GPHN: variants seen among roughly 807,000 people sequenced by gnomAD.
The protein encoded by GPHN is gephyrin.
Under a neutral mutation model 95.5 loss-of-function variants are expected in GPHN, and 17 were observed. The observed-to-expected ratio is 0.18, with a 90% CI of 0.12 to 0.27. The LOEUF is 0.27. Among genes scored for constraint, GPHN ranks in the 10% least tolerant of loss-of-function variants. The probability of loss-of-function intolerance (pLI) is 1.00; values close to 1 mark genes in which losing one functional copy is unlikely to be tolerated. For missense variants in GPHN, 660 were observed against 978.1 expected, an observed-to-expected ratio of 0.67 and a Z score of 4.34; for synonymous variants, 320 against 322.5, an observed-to-expected ratio of 0.99 and a Z score of 0.08.
the GPHN span, among the ~76,000 whole-genome samples, chr14:67,466,574 G>A: frequency 6.6e-6 from 1 of 152,204 alleles, no homozygotes; most frequent in East Asian, 1.9e-4. Flanking sequence ...CTTTAGGGTG[G>A]GTTCACTAAG....
intron 16 of GPHN, among the ~76,000 whole-genome samples, chr14:67,119,240 T>C (rs1243200446): frequency 1.3e-5 from 2 of 152,260 alleles, no homozygotes; most frequent in African/African-American, 4.8e-5. Flanking sequence ...TGGTACAGTT[T>C]AGCTGTTATG....
intron 13 of GPHN, among the ~76,000 whole-genome samples, chr14:67,102,239 G>C (rs1051502808): frequency 1.3e-5 from 2 of 152,154 alleles, no homozygotes; most frequent in African/African-American, 4.8e-5. Context: ...TTGATCAACA[G>C]AGCTCCTACC....
At chr14:67,650,785 T>TAC in the GPHN span, 3 of 1,614,190 alleles carry the variant, frequency 1.9e-6, no homozygotes, top group Non-Finnish European at 2.5e-6. Context: ...AGGCGAAGAC[T>TAC]ACAGCTAACC....
intron 7 of GPHN, 22 bp downstream of exon 7, chr14:66,922,960 C>T (rs1158713809): frequency 6.2e-7 from 1 of 1,604,594 alleles, no homozygotes; most frequent in South Asian, 1.1e-5. Context: ...GAGAGTTACT[C>T]AGAGGCCTAA....
At chr14:67,666,717 T>G in the GPHN span, among the ~76,000 whole-genome samples, 1 of 152,162 alleles carries the variant, frequency 6.6e-6, no homozygotes, top group Non-Finnish European at 1.5e-5. Context: ...CTGAGGACAC[T>G]AGACCCTGGA....
Position 66,653,760 on chromosome 14 carries a change from GT to G in GPHN, c.65-27345del, listed in dbSNP as rs111319669. Among the ~76,000 whole-genome samples the G allele has an allele frequency of 3.6e-3, 552 of 152,232 alleles. 11 individuals carry two copies. Among genetic ancestry groups the G allele is most frequent in the African/African-American group, 0.013 (526 of 41,552 alleles). On this transcript the variant is annotated intron_variant, in intron 1 of 22. Coordinates refer to ENST00000478722, the MANE Select transcript of GPHN (RefSeq NM_020806.5). ...TATTTATCCATACTGTATATCAGGC[GT>G]TGGCCACATTGTATGACAGAGAAGT...
intron 2 of GPHN, among the ~76,000 whole-genome samples, chr14:66,683,886 A>G (rs1595537017): frequency 6.6e-6 from 1 of 151,316 alleles, no homozygotes; most frequent in Non-Finnish European, 1.5e-5. Context: ...CCAAGGCAGG[A>G]GAATGGCATG....
rs555291620 is a variant in GPHN at position 66,765,531 on chromosome 14, G to A, written c.144-10933G>A. On this transcript the variant is annotated intron_variant, in intron 2 of 22. Transcript: ENST00000478722. ...ATGCAGGAACAGAAAACCAAATGCC[G>A]TATGTTCTCACTTATAAGTGGAAAA... 1.8e-3 allele frequency among the ~76,000 whole-genome samples: 267 copies of A among 152,266 alleles called. 1 individual carries two copies. Among genetic ancestry groups the A allele is most frequent in the African/African-American group, 6.0e-3 (251 of 41,560 alleles).
At chr14:66,899,008 C>T (rs1270213340) in intron 5 of GPHN, among the ~76,000 whole-genome samples, 4 of 151,598 alleles carry the variant, frequency 2.6e-5, no homozygotes, top group Admixed American at 1.3e-4. Flanking sequence ...ATTTAGGTGT[C>T]CACCTCATGT....
chr14:67,317,537 C>A, the GPHN span: 1 of 1,192,066 alleles, frequency 8.4e-7, no homozygotes, highest in Non-Finnish European at 1.2e-6. Context: ...TAAACCTAGT[C>A]CTGTTTTGCA....
chr14:67,126,980 G>A (rs2079359356), intron 17 of GPHN, among the ~76,000 whole-genome samples: 1 of 151,830 alleles, frequency 6.6e-6, no homozygotes, highest in African/African-American at 2.4e-5. Context: ...ATCATTCTCA[G>A]TAAACTATCG....
chr14:67,529,570 C>G, the GPHN span, among the ~76,000 whole-genome samples: 8 of 152,174 alleles, frequency 5.3e-5, no homozygotes, highest in Non-Finnish European at 1.2e-4. Context: ...CACGCTCACA[C>G]ACACACTGAG....
At chr14:67,292,895 A>G in the GPHN span, among the ~76,000 whole-genome samples, 2 of 152,208 alleles carry the variant, frequency 1.3e-5, no homozygotes, top group Admixed American at 1.3e-4. Context: ...AAAAACAAAA[A>G]AAGTTTACTT....
At chr14:67,454,839 G>A in the GPHN span, among the ~76,000 whole-genome samples, 37 of 152,068 alleles carry the variant, frequency 2.4e-4, no homozygotes, top group Non-Finnish European at 2.2e-4. Flanking sequence ...CCTGAGGGGC[G>A]CCCTGTCCCA....
Position 67,181,493 on chromosome 14 carries a change from G to A in GPHN, c.*556G>A, listed in dbSNP as rs545837752. 7.7e-6 allele frequency: 4 copies of A among 518,224 alleles called. No individual in the cohort carries two copies. In the East Asian group the frequency reaches 1.7e-4, roughly 22 times the overall value. The allele number at this position is 518,224 out of a possible 1,614,324, so 32.1% of individuals were successfully genotyped here. A position where few individuals can be genotyped will look rare whatever the true frequency, so the allele number is the denominator to read the frequency against. ...CATCCCCTGCAGAGCATCCAGGGAG[G>A]TTTCTCGCCCCAATAGCCTCACGGC... On this transcript the variant is annotated 3_prime_UTR_variant, in exon 23 of 23. Transcript: ENST00000478722.
At chr14:67,055,698 A>G (rs796976736) in intron 10 of GPHN, among the ~76,000 whole-genome samples, 4 of 152,328 alleles carry the variant, frequency 2.6e-5, no homozygotes, top group Middle Eastern at 3.4e-3. Flanking sequence ...TGTGGTACCT[A>G]TGTGTCCAGA....
At position 66,636,245 on chromosome 14, in the gene GPHN, T is replaced by G. The variant is rs1385931196; in HGVS notation, c.65-44862T>G. Among the ~76,000 whole-genome samples, 3 of 152,218 alleles carry G rather than the reference T, an allele frequency of 2.0e-5. No homozygotes were observed. In the East Asian group the frequency reaches 5.8e-4, roughly 29 times the overall value. ...GTGACTGTTTATAGGATTCCTTTAT[T>G]TTAGCTGCCAGTAAGAAGCCTGCCA... On this transcript the variant is annotated intron_variant, in intron 1 of 22. Coordinates refer to ENST00000478722, the MANE Select transcript of GPHN (RefSeq NM_020806.5).
the GPHN span, among the ~76,000 whole-genome samples, chr14:67,674,193 G>A: frequency 1.3e-5 from 2 of 152,258 alleles, no homozygotes; most frequent in African/African-American, 2.4e-5. Context: ...TGAATCCCGA[G>A]GTCCAATTTA....
chr14:67,321,386 T>G, the GPHN span: 1 of 830,910 alleles, frequency 1.2e-6, no homozygotes. Context: ...TTTTTCCCAC[T>G]GATTTGCTAT....
Sources: allele counts gnomAD v4.1 joint callset (sites outside exome capture counted in the v4.1 genomes callset), GRCh38; gene constraint gnomAD v4.1.1; transcripts MANE v1.5; gene names NCBI Gene and HGNC (gene_info 2026-07-23, HGNC 2026-07-21).